LTBP1: variants seen among roughly 807,000 people sequenced by gnomAD.
The protein encoded by LTBP1 is latent transforming growth factor beta binding protein 1, also known as latent-transforming growth factor beta-binding protein 1.
A neutral mutation model predicts 207.6 loss-of-function variants in LTBP1; 129 were observed. The observed-to-expected ratio is 0.62, with a 90% confidence interval of 0.54 to 0.72. The LOEUF (loss-of-function observed/expected upper bound fraction) is 0.72. LTBP1 is among the 30% of genes least tolerant of loss of function. The pLI is 0.00. For missense variants in LTBP1, 2,281 were observed against 2,217.2 expected, an observed-to-expected ratio of 1.03 and a Z score of -0.58; for synonymous variants, 963 against 833.7, an observed-to-expected ratio of 1.16 and a Z score of -2.67.
intron 24 of LTBP1, among the ~76,000 whole-genome samples, chr2:33,318,603 C>T (rs2094307303): frequency 6.6e-6 from 1 of 152,138 alleles, no homozygotes. Flanking sequence ...AAATCCCAGA[C>T]TTAGATGTCA....
At position 33,059,869 on chromosome 2, in the gene LTBP1, G is replaced by A. The variant is rs75423552; in HGVS notation, c.863+38663G>A. Among the ~76,000 whole-genome samples the A allele has an allele frequency of 5.9e-3, 899 of 152,256 alleles. 11 individuals carry two copies. Among genetic ancestry groups the A allele is most frequent in the African/African-American group, 0.02 (825 of 41,558 alleles). The stretch of plus-strand genomic sequence containing the variant: ...AACCAGACACATCCCTAAAACAACA[G>A]AGAAATGCCTTCTAGACTTTAGATA... On this transcript the variant is annotated intron_variant, in intron 3 of 33. Coordinates refer to ENST00000404816, the MANE Select transcript of LTBP1 (RefSeq NM_206943.4).
chr2:33,218,239 A>G (rs950544840), intron 8 of LTBP1, among the ~76,000 whole-genome samples: 21 of 152,158 alleles, frequency 1.4e-4, no homozygotes, highest in African/African-American at 3.4e-4. Context: ...ACATTAATCT[A>G]TATTAACACC....
chr2:33,239,179 A>C (rs2092196701), intron 9 of LTBP1, among the ~76,000 whole-genome samples: 1 of 152,214 alleles, frequency 6.6e-6, no homozygotes, highest in Non-Finnish European at 1.5e-5. Flanking sequence ...GTTTTAAATA[A>C]GTGGAAAAGT....
At chr2:33,026,534 C>T (rs2075421815) in intron 3 of LTBP1, among the ~76,000 whole-genome samples, 1 of 152,114 alleles carries the variant, frequency 6.6e-6, no homozygotes. Context: ...TTTGTAAAGC[C>T]CTGAACATTT....
intron 7 of LTBP1, among the ~76,000 whole-genome samples, chr2:33,199,623 A>G (rs2149053343): frequency 6.6e-6 from 1 of 152,220 alleles, no homozygotes; most frequent in East Asian, 1.9e-4. Flanking sequence ...AGTTCTGGCC[A>G]GGGCAATTAG....
chr2:33,014,600 C>T (rs1383913047), intron 2 of LTBP1, among the ~76,000 whole-genome samples: 1 of 152,200 alleles, frequency 6.6e-6, no homozygotes, highest in Non-Finnish European at 1.5e-5. Flanking sequence ...CAGAGAGTCA[C>T]ACTGTTTGCA....
intron 7 of LTBP1, among the ~76,000 whole-genome samples, chr2:33,201,555 C>T (rs1024379867): frequency 6.6e-6 from 1 of 151,536 alleles, no homozygotes; most frequent in Non-Finnish European, 1.5e-5. Flanking sequence ...GTGCAGCACA[C>T]CAGCATGGCA....
chr2:33,386,552 C>A (rs922842583), intron 31 of LTBP1, among the ~76,000 whole-genome samples: 5 of 152,190 alleles, frequency 3.3e-5, no homozygotes, highest in Non-Finnish European at 7.3e-5. Context: ...TGGCCAAGCA[C>A]GGCAGCTCGC....
intron 20 of LTBP1, among the ~76,000 whole-genome samples, chr2:33,297,293 G>A (rs191562296): frequency 3.9e-4 from 59 of 152,118 alleles, no homozygotes; most frequent in Non-Finnish European, 6.8e-4. Flanking sequence ...ATTATTTCAT[G>A]CAATCCTCAT....
At chr2:33,161,117 T>C (rs1430267727) in intron 5 of LTBP1, among the ~76,000 whole-genome samples, 1 of 152,160 alleles carries the variant, frequency 6.6e-6, no homozygotes, top group Admixed American at 6.5e-5. Flanking sequence ...TTTTCTTCTG[T>C]AACTTGGTGT....
intron 3 of LTBP1, among the ~76,000 whole-genome samples, chr2:33,091,686 C>G (rs145002358): frequency 6.6e-6 from 1 of 152,276 alleles, no homozygotes; most frequent in Non-Finnish European, 1.5e-5. Flanking sequence ...CAAGAATCCC[C>G]TGTACTTGGT....
chr2:33,106,152 T>C (rs218221), intron 3 of LTBP1, among the ~76,000 whole-genome samples: 81,070 of 152,080 alleles, frequency 0.53, 23,779 homozygotes, highest in South Asian at 0.69. Context: ...GTCCAGTCAC[T>C]TCTTCAGGCT....
chr2:33,025,939 T>C (rs576144105), intron 3 of LTBP1, among the ~76,000 whole-genome samples: 33 of 152,286 alleles, frequency 2.2e-4, no homozygotes, highest in African/African-American at 7.9e-4. Flanking sequence ...AAAAACCTAA[T>C]GCTATGATAT....
At chr2:33,174,691 A>G (rs543808837) in intron 5 of LTBP1, among the ~76,000 whole-genome samples, 12 of 152,326 alleles carry the variant, frequency 7.9e-5, no homozygotes, top group South Asian at 4.1e-4. Context: ...AAGAGCCCGC[A>G]TCGCAAAGTG....
intron 22 of LTBP1, among the ~76,000 whole-genome samples, chr2:33,308,295 G>A (rs776262429): frequency 6.6e-5 from 10 of 152,144 alleles, no homozygotes; most frequent in Non-Finnish European, 1.0e-4. Flanking sequence ...GTCAAAACTC[G>A]TTATTGGTTA....
intron 3 of LTBP1, among the ~76,000 whole-genome samples, chr2:33,040,169 A>C (rs2076114120): frequency 6.6e-6 from 1 of 152,128 alleles, no homozygotes; most frequent in Non-Finnish European, 1.5e-5. Context: ...GGTCTTGATT[A>C]TGGGAGGCAG....
At chr2:33,289,892 G>T (rs2093740166) in intron 19 of LTBP1, among the ~76,000 whole-genome samples, 1 of 152,150 alleles carries the variant, frequency 6.6e-6, no homozygotes, top group East Asian at 1.9e-4. Context: ...GGTGGATGGT[G>T]GGGTGGGTAG....
Position 33,262,837 on chromosome 2 carries a change from C to A in LTBP1, c.2518+16C>A. On this transcript the variant is annotated intron_variant, in intron 14 of 33. Transcript: ENST00000404816. ...CAGTTTCCAGGTAGCCTGTGTTGAT[C>A]TGTGCTGTTTGTCAGAGTATTCTGA... The A allele has an allele frequency of 6.4e-7, 1 of 1,563,838 alleles. No individual in the cohort carries two copies. The highest frequency in any genetic ancestry group is 2.2e-5 in the East Asian group (1 of 44,510).
chr2:32,957,319 C>T (rs1351240647), intron 2 of LTBP1, among the ~76,000 whole-genome samples: 2 of 152,178 alleles, frequency 1.3e-5, no homozygotes, highest in African/African-American at 4.8e-5. Flanking sequence ...TTTCTACATG[C>T]CTTCCTCACT....
Sources: allele counts gnomAD v4.1 joint callset (sites outside exome capture counted in the v4.1 genomes callset), GRCh38; gene constraint gnomAD v4.1.1; transcripts MANE v1.5; gene names NCBI Gene and HGNC (gene_info 2026-07-23, HGNC 2026-07-21).